CNTNAP2: variants seen among roughly 807,000 people sequenced by gnomAD.
CNTNAP2 encodes contactin-associated protein-like 2.
Under a neutral mutation model 155.2 loss-of-function variants are expected in CNTNAP2, and 98 were observed. That is an observed-to-expected ratio of 0.63 (90% confidence interval 0.54 to 0.75). CNTNAP2 has a LOEUF of 0.75. Ranked by LOEUF, CNTNAP2 falls within the 30% of genes least tolerant of loss-of-function variation. The probability of loss-of-function intolerance (pLI) is 0.00; values close to 1 mark genes in which losing one functional copy is unlikely to be tolerated. For missense variants in CNTNAP2, 1,727 were observed against 1,688.1 expected (o/e 1.02, Z -0.40); for synonymous variants, 651 against 631.2 (o/e 1.03, Z -0.47).
intron 15 of CNTNAP2, among the ~76,000 whole-genome samples, chr7:148,012,177 C>G (rs1295974237): frequency 6.6e-6 from 1 of 152,210 alleles, no homozygotes; most frequent in Non-Finnish European, 1.5e-5. Context: ...CTCAGTCTCC[C>G]AAAGTGTCGG....
At chr7:148,103,974 T>C (rs1294695552) in intron 15 of CNTNAP2, among the ~76,000 whole-genome samples, 1 of 152,234 alleles carries the variant, frequency 6.6e-6, no homozygotes, top group African/African-American at 2.4e-5. Flanking sequence ...TTGGCCTTTA[T>C]AGTTCTTTGG....
At chr7:146,186,246 A>G (rs1352820536) in intron 1 of CNTNAP2, among the ~76,000 whole-genome samples, 1 of 152,180 alleles carries the variant, frequency 6.6e-6, no homozygotes, top group Non-Finnish European at 1.5e-5. Flanking sequence ...AATAAAGAAT[A>G]GGGAATTGTG....
intron 21 of CNTNAP2, among the ~76,000 whole-genome samples, chr7:148,283,279 G>GTT (rs1369476154): frequency 0.16 from 16,394 of 103,114 alleles, 2,443 homozygotes; most frequent in African/African-American, 0.31. Context: ...AAGAAAGAAA[G>GTT]AAAGAAAGAA....
chr7:146,924,995 C>A (rs1796577102), intron 3 of CNTNAP2, among the ~76,000 whole-genome samples: 1 of 152,036 alleles, frequency 6.6e-6, no homozygotes, highest in Non-Finnish European at 1.5e-5. Context: ...TTCTTATTTT[C>A]CTGGACCTTT....
intron 3 of CNTNAP2, among the ~76,000 whole-genome samples, chr7:146,871,973 A>G (rs79241233): frequency 0.038 from 5,712 of 152,096 alleles, 168 homozygotes; most frequent in Non-Finnish European, 0.058. Context: ...ACATAATATT[A>G]AAGTTCATTG....
intron 8 of CNTNAP2, among the ~76,000 whole-genome samples, chr7:147,134,538 T>C (rs942440250): frequency 4.0e-5 from 6 of 151,610 alleles, no homozygotes; most frequent in African/African-American, 1.5e-4. Context: ...CATACACACA[T>C]ACATACATAG....
intron 13 of CNTNAP2, among the ~76,000 whole-genome samples, chr7:147,725,067 C>G (rs2116455670): frequency 6.6e-6 from 1 of 152,008 alleles, no homozygotes; most frequent in East Asian, 1.9e-4. Context: ...GATTGTAGTC[C>G]CTACAGATTT....
At chr7:146,549,836 C>T (rs547155619) in intron 1 of CNTNAP2, among the ~76,000 whole-genome samples, 59 of 152,092 alleles carry the variant, frequency 3.9e-4, no homozygotes, top group African/African-American at 1.4e-3. Context: ...GAAGCAGAAG[C>T]CTGTCAAAGT....
chr7:147,404,860 T>TACAA (rs1796979399), intron 10 of CNTNAP2, among the ~76,000 whole-genome samples: 1 of 152,186 alleles, frequency 6.6e-6, no homozygotes, highest in Admixed American at 6.5e-5. Flanking sequence ...TCAAAGTGAT[T>TACAA]TTATTTTAAG....
chr7:147,124,944 G>A (rs1353285164), intron 6 of CNTNAP2, among the ~76,000 whole-genome samples: 4 of 133,756 alleles, frequency 3.0e-5, no homozygotes, highest in Admixed American at 8.8e-5. Flanking sequence ...GCAGTGGCGC[G>A]ATTTTGGCTC....
chr7:147,109,895 GTATTTATTTATTTATT>G lies in CNTNAP2; in HGVS notation c.754+1568_754+1583del, dbSNP rs56065793. Among the ~76,000 whole-genome samples the G allele has an allele frequency of 5.4e-3, 800 of 148,774 alleles. 2 individuals carry two copies. Among genetic ancestry groups the G allele is most frequent in the Non-Finnish European group, 8.5e-3 (574 of 67,342 alleles). ...GTTTTATGTGGGGTTGTTGTTATTT[GTATTTATTTATTTATT>G]TATTTATTTATTTATTTATTTACTT... On this transcript the variant is annotated intron_variant, in intron 5 of 23. Coordinates refer to ENST00000361727, the MANE Select transcript of CNTNAP2 (RefSeq NM_014141.6).
chr7:147,451,726 C>G (rs1157092625), intron 10 of CNTNAP2, among the ~76,000 whole-genome samples: 1 of 149,276 alleles, frequency 6.7e-6, no homozygotes, highest in East Asian at 2.0e-4. Flanking sequence ...CTTTGTATTC[C>G]TACAAAGAGG....
At chr7:146,714,878 C>A (rs1801160072) in intron 1 of CNTNAP2, among the ~76,000 whole-genome samples, 1 of 152,124 alleles carries the variant, frequency 6.6e-6, no homozygotes, top group Non-Finnish European at 1.5e-5. Context: ...TAGGTCTAGA[C>A]CCATTATTTG....
intron 1 of CNTNAP2, among the ~76,000 whole-genome samples, chr7:146,619,672 G>A (rs150894628): frequency 4.6e-5 from 7 of 152,216 alleles, no homozygotes; most frequent in South Asian, 4.1e-4. Context: ...GACCTCAAGC[G>A]TGTGAAACAA....
In CNTNAP2 at chr7:148,192,541, A is replaced by C. The variant is rs1166001665; in HGVS notation, c.3010+20063A>C. Among the ~76,000 whole-genome samples, 4 of 151,874 alleles carry C rather than the reference A, an allele frequency of 2.6e-5. 1 individual carries two copies. The South Asian group carries it at 6.2e-4, about 24-fold the overall frequency. On this transcript the variant is annotated intron_variant, in intron 18 of 23. Coordinates refer to ENST00000361727, the MANE Select transcript of CNTNAP2 (RefSeq NM_014141.6). ...AAGAAATGGATGACCAAAAAAAAAA[A>C]CAAAAAACAAAAAAACTCTCCATGC...
At chr7:147,498,990 G>A (rs553373251) in intron 11 of CNTNAP2, among the ~76,000 whole-genome samples, 9 of 152,238 alleles carry the variant, frequency 5.9e-5, no homozygotes, top group Non-Finnish European at 1.0e-4. Flanking sequence ...GTCATGCTGG[G>A]ATCATTTAGA....
chr7:147,328,320 AAC>A (rs1212914100), intron 9 of CNTNAP2, among the ~76,000 whole-genome samples: 3 of 152,102 alleles, frequency 2.0e-5, no homozygotes, highest in Non-Finnish European at 4.4e-5. Flanking sequence ...TACAAATTTT[AAC>A]AGTTAAAAAC....
chr7:146,505,657 A>G (rs1797373412), intron 1 of CNTNAP2, among the ~76,000 whole-genome samples: 3 of 152,236 alleles, frequency 2.0e-5, no homozygotes, highest in Admixed American at 2.0e-4. Flanking sequence ...AGGGACTATG[A>G]TAGCCAACCA....
intron 15 of CNTNAP2, among the ~76,000 whole-genome samples, chr7:148,102,317 T>C (rs1421647243): frequency 2.0e-5 from 3 of 152,244 alleles, no homozygotes; most frequent in Non-Finnish European, 4.4e-5. Context: ...TTCTTTTTTA[T>C]GGCTGCATAG....
Sources: allele counts gnomAD v4.1 joint callset (sites outside exome capture counted in the v4.1 genomes callset), GRCh38; gene constraint gnomAD v4.1.1; transcripts MANE v1.5; gene names NCBI Gene and HGNC (gene_info 2026-07-23, HGNC 2026-07-21).